PDCD5: variants seen among roughly 807,000 people sequenced by gnomAD.
The protein encoded by PDCD5 is programmed cell death 5.
A neutral mutation model predicts 21.9 loss-of-function variants in PDCD5; 23 were observed. The ratio of observed to expected loss-of-function variants is 1.05; its 90% CI spans 0.76 to 1.49. The LOEUF is 1.49. PDCD5 is among the 40% of genes most tolerant of loss of function. The probability of loss-of-function intolerance (pLI) is 0.00; values close to 1 mark genes in which losing one functional copy is unlikely to be tolerated. For synonymous variants in PDCD5, 45 were observed against 49.4 expected (o/e 0.91, Z 0.37); for missense variants, 152 against 147.7 (o/e 1.03, Z -0.15).
intron 2 of PDCD5, among the ~76,000 whole-genome samples, chr19:32,584,138 C>T (rs1489429802): frequency 1.3e-5 from 2 of 151,862 alleles, no homozygotes; most frequent in Non-Finnish European, 2.9e-5. Context: ...GGCCTAGACC[C>T]CATCTCTTAA....
intron 5 of PDCD5, 32 bp from the exon 6 acceptor site, chr19:32,587,221 A>T (rs778932971): frequency 5.4e-6 from 8 of 1,478,616 alleles, no homozygotes. Context: ...TTTATTAGAA[A>T]TGTTCTGACA....
intron 4 of PDCD5, chr19:32,586,474 A>T: frequency 1.1e-5 from 12 of 1,104,440 alleles, no homozygotes; most frequent in Non-Finnish European, 1.3e-5. Flanking sequence ...TCCGAGTGTG[A>T]CTTACCTCCT....
chr19:32,583,374 G>T (rs1488892452), intron 2 of PDCD5, among the ~76,000 whole-genome samples: 3 of 145,450 alleles, frequency 2.1e-5, no homozygotes, highest in Non-Finnish European at 4.7e-5. Context: ...ACTCCTGCTG[G>T]GCTCAAGTGA....
chr19:32,586,518 G>C (rs1481794407), intron 4 of PDCD5: 1 of 1,106,636 alleles, frequency 9.0e-7, no homozygotes. Context: ...GGGCAGAAGT[G>C]GTGTGTCTAT....
chr19:32,581,283 G>C lies in PDCD5; in HGVS notation c.22G>C (p.Ala8Pro). Reference sequence around the variant, plus strand: ...AGCCATGGCGGACGAGGAGCTTGAGGCGCTGAGGAGACAGAGGCTGGCCGA... The same window carrying C: ...AGCCATGGCGGACGAGGAGCTTGAGCCGCTGAGGAGACAGAGGCTGGCCGA... Reference protein sequence around the residue: MADEELEALRRQRLAELQ... With the variant: MADEELEPLRRQRLAELQ... The change falls in exon 1 of 6, where the codon GCG becomes CCG. Residue 8 changes from alanine to proline, a missense_variant. Coordinates refer to ENST00000590247, the MANE Select transcript of PDCD5 (RefSeq NM_004708.4). 2 of 1,530,732 alleles carry C rather than the reference G, an allele frequency of 1.3e-6. No homozygotes were observed. The highest frequency in any genetic ancestry group is 1.7e-6 in the Non-Finnish European group (2 of 1,143,584). 94.8% of individuals were successfully genotyped at this position (1,530,732 alleles called of 1,614,324 possible).
intron 2 of PDCD5, among the ~76,000 whole-genome samples, chr19:32,583,509 C>G (rs34156998): frequency 0.021 from 3,241 of 151,690 alleles, 41 homozygotes; most frequent in Middle Eastern, 0.037. Context: ...TCTCAAACTC[C>G]TGGCTTCAAG....
At chr19:32,586,964 G>A in intron 5 of PDCD5, 35 bp downstream of exon 5, 2 of 1,479,704 alleles carry the variant, frequency 1.4e-6, no homozygotes, top group East Asian at 2.3e-5. Context: ...CAAATGAAAA[G>A]ATGGATACTT....
At chr19:32,583,425 G>C (rs1161497548) in intron 2 of PDCD5, among the ~76,000 whole-genome samples, 1 of 151,240 alleles carries the variant, frequency 6.6e-6, no homozygotes, top group Non-Finnish European at 1.5e-5. Context: ...GATGACAGGC[G>C]TGCACCACCA....
intron 2 of PDCD5, among the ~76,000 whole-genome samples, chr19:32,583,619 A>G (rs1370218098): frequency 6.6e-6 from 1 of 151,844 alleles, no homozygotes; most frequent in African/African-American, 2.4e-5. Flanking sequence ...GATACGTAAA[A>G]CTATGGTGTA....
intron 1 of PDCD5, 112 bp downstream of exon 1, chr19:32,581,439 C>G (rs376378269): frequency 1.7e-5 from 10 of 599,214 alleles, no homozygotes; most frequent in African/African-American, 1.6e-4. Context: ...GGGCCCCGGT[C>G]CCCTGCGCTG....
intron 2 of PDCD5, among the ~76,000 whole-genome samples, chr19:32,583,942 C>T (rs528657723): frequency 1.3e-5 from 2 of 152,300 alleles, no homozygotes; most frequent in South Asian, 4.1e-4. Context: ...AGCGATTCTC[C>T]TGCCTCTGCC....
At position 32,587,305 on chromosome 19, in the gene PDCD5, CA is replaced by C. The variant is rs1971487010; in HGVS notation, c.*7del. 10 of 1,593,386 alleles carry C rather than the reference CA, an allele frequency of 6.3e-6. No homozygotes were observed. Among genetic ancestry groups the C allele is most frequent in the Non-Finnish European group, 8.6e-6 (10 of 1,163,152 alleles). On this transcript the variant is annotated 3_prime_UTR_variant, in exon 6 of 6. Coordinates refer to ENST00000590247, the MANE Select transcript of PDCD5 (RefSeq NM_004708.4). ...GATGAAGATGACGATTATTGAACTA[CA>C]AGTGCTCACAGACTAGAACTTAACG... is the stretch of plus-strand genomic sequence containing the variant.
rs1163606364 is a variant in PDCD5 at position 32,582,365 on chromosome 19, C to T, written c.104+133C>T. 4 of 710,934 alleles carry T rather than the reference C, an allele frequency of 5.6e-6. 1 individual carries two copies. The highest frequency in any genetic ancestry group is 3.2e-5 in the South Asian group (2 of 63,090). The allele number at this position is 710,934 out of a possible 1,614,324, so 44.0% of individuals were successfully genotyped here. On this transcript the variant is annotated intron_variant, in intron 2 of 5. Coordinates refer to ENST00000590247, the MANE Select transcript of PDCD5 (RefSeq NM_004708.4). ...GAATGGTGATTTGGCCAAAATCATCCGCAGGGTATCTTCATTATTGTTAAA... is the reference window on the plus strand; with the variant it reads ...GAATGGTGATTTGGCCAAAATCATCTGCAGGGTATCTTCATTATTGTTAAA...
At chr19:32,581,636 C>T (rs867607049) in intron 1 of PDCD5, 1 of 288,830 alleles carries the variant, frequency 3.5e-6, no homozygotes, top group Non-Finnish European at 6.4e-6. Context: ...GCTTTTGGAG[C>T]CAGCAGCCGG....
chr19:32,583,819 G>C (rs1006876190), intron 2 of PDCD5, among the ~76,000 whole-genome samples: 1 of 151,908 alleles, frequency 6.6e-6, no homozygotes, highest in Non-Finnish European at 1.5e-5. Context: ...ATGAACAGCA[G>C]AGTGAGACCC....
At chr19:32,582,285 C>CTT in intron 2 of PDCD5, 53 bp downstream of exon 2, 1 of 1,487,910 alleles carries the variant, frequency 6.7e-7, no homozygotes, top group South Asian at 1.2e-5. Context: ...AAATGGATTT[C>CTT]TTTTGCTGTA....
At chr19:32,584,746 T>C in intron 2 of PDCD5, 2 of 581,876 alleles carry the variant, frequency 3.4e-6, no homozygotes, top group Non-Finnish European at 6.1e-6. Context: ...TTGTCACCTG[T>C]GTAATATAAA....
In PDCD5 at chr19:32,584,943, G is replaced by C; in HGVS notation, c.105-7G>C. 3.1e-6 allele frequency: 5 copies of C among 1,612,456 alleles called. No individual in the cohort carries two copies. In the South Asian group the frequency reaches 5.5e-5, roughly 18 times the overall value. On this transcript the variant is annotated splice_polypyrimidine_tract_variant and splice_region_variant and intron_variant, in intron 2 of 5. Coordinates refer to ENST00000590247, the MANE Select transcript of PDCD5 (RefSeq NM_004708.4). ...TTAATTGTGTTTGACCTATGTTTTC[G>C]TTGTAGGGAAGCAGAAATGAGAAAC... is the stretch of plus-strand genomic sequence containing the variant.
rs765606455 is a variant in PDCD5 at position 32,585,784 on chromosome 19, G to A, written c.167-32G>A. On this transcript the variant is annotated intron_variant, in intron 3 of 5. Coordinates refer to ENST00000590247, the MANE Select transcript of PDCD5 (RefSeq NM_004708.4). ...TAACATAAGTGCATTTGATTTTAAT[G>A]GATTTTTTGCATATGTATTTTTTCT... The A allele has an allele frequency of 3.2e-6, 4 of 1,243,794 alleles. No homozygotes were observed. The East Asian group carries it at 9.3e-5, about 29-fold the overall frequency. 77.0% of individuals were successfully genotyped at this position (1,243,794 alleles called of 1,614,324 possible). A position where few individuals can be genotyped will look rare whatever the true frequency, so the allele number is the denominator to read the frequency against.
Sources: allele counts gnomAD v4.1 joint callset (sites outside exome capture counted in the v4.1 genomes callset), GRCh38; gene constraint gnomAD v4.1.1; transcripts MANE v1.5; gene names NCBI Gene and HGNC (gene_info 2026-07-23, HGNC 2026-07-21).